The following MTCH2 variants were observed in gnomAD, a reference collection of about 807,000 sequenced individuals.
The protein encoded by MTCH2 is mitochondrial carrier homolog 2.
A neutral mutation model predicts 50.6 loss-of-function variants in MTCH2; 25 were observed. That is an observed-to-expected ratio of 0.49 (90% CI 0.36 to 0.69). The LOEUF is 0.69. MTCH2 is among the 30% of genes least tolerant of loss of function. MTCH2 has a pLI of 0.00. For synonymous variants in MTCH2, 106 were observed against 132.0 expected (o/e 0.80, Z 1.35); for missense variants, 273 against 384.4 (o/e 0.71, Z 2.42).
chr11:47,634,769 A>ATTTTTTTTTTTTT (rs139407275), intron 4 of MTCH2, 35 bp from the exon 5 acceptor site: 2 of 739,714 alleles, frequency 2.7e-6, no homozygotes, highest in Non-Finnish European at 3.9e-6. Flanking sequence ...AGAGATCTTG[A>ATTTTTTTTTTTTT]TTTTTTTTTT....
chr11:47,629,281 T>C, intron 8 of MTCH2: 1 of 476,648 alleles, frequency 2.1e-6, no homozygotes, highest in South Asian at 2.2e-5. Context: ...AGGTCGGCTA[T>C]ACCCTCAGTG....
Position 47,622,735 on chromosome 11 carries a change from G to C in MTCH2, c.791C>G (p.Ser264Cys), listed in dbSNP as rs771862696. 14 of 1,611,182 alleles carry C rather than the reference G, an allele frequency of 8.7e-6. No homozygotes were observed. The South Asian group carries it at 9.9e-5, about 11-fold the overall frequency. ...TAGCATGCACCAACAGTCTATCCAA[G>C]ACGTATATATTGGGGAGTAAGGAGG... The part of the protein sequence containing the change: ...GCPPYSPIYT[S>C]WIDCWCMLQK... Residue 264 changes from serine (S) to cysteine (C), a missense_variant, in exon 12 of 13, where the codon TCT (serine) becomes TGT (cysteine). Coordinates refer to ENST00000302503, the MANE Select transcript of MTCH2 (RefSeq NM_014342.4).
chr11:47,634,973 G>T (rs1230156853), intron 4 of MTCH2, among the ~76,000 whole-genome samples: 1 of 151,928 alleles, frequency 6.6e-6, no homozygotes. Flanking sequence ...GGGTTTCACC[G>T]TGTTAGCCAG....
chr11:47,629,252 G>A, intron 8 of MTCH2: 4 of 527,748 alleles, frequency 7.6e-6, no homozygotes, highest in Non-Finnish European at 1.0e-5. Flanking sequence ...AGTGACTTTT[G>A]TTCCTATGTT....
chr11:47,618,979 C>A, intron 12 of MTCH2, 60 bp from the exon 13 acceptor site: 1 of 1,488,036 alleles, frequency 6.7e-7, no homozygotes, highest in Non-Finnish European at 9.3e-7. Flanking sequence ...TCAGCCAATC[C>A]AAATCAGCAG....
chr11:47,628,924 G>A, intron 9 of MTCH2, 29 bp downstream of exon 9: 1 of 1,587,654 alleles, frequency 6.3e-7, no homozygotes, highest in Non-Finnish European at 8.6e-7. Flanking sequence ...AAGCCAAGGT[G>A]AGCACATCTC....
chr11:47,615,914 T>C (rs543977414), downstream of MTCH2, among the ~76,000 whole-genome samples: 16 of 152,222 alleles, frequency 1.1e-4, no homozygotes, highest in Middle Eastern at 6.8e-3. Context: ...GTTGCTTTTT[T>C]ACCCTAGTAT....
intron 5 of MTCH2, among the ~76,000 whole-genome samples, 171 bp from the exon 6 acceptor site, chr11:47,631,882 T>C (rs1045033741): frequency 6.6e-6 from 1 of 152,184 alleles, no homozygotes; most frequent in East Asian, 1.9e-4. Context: ...ATCTCATTCA[T>C]TGTCATTTTA....
chr11:47,629,421 A>G lies in MTCH2; in HGVS notation c.540-375T>C, dbSNP rs912219269. 10 of 225,316 alleles carry G rather than the reference A, an allele frequency of 4.4e-5. No individual in the cohort carries two copies. The East Asian group carries it at 1.0e-3, about 23-fold the overall frequency. The allele number at this position is 225,316 out of a possible 1,614,324, so 14.0% of individuals were successfully genotyped here. A position where few individuals can be genotyped will look rare whatever the true frequency, so the allele number is the denominator to read the frequency against. On this transcript the variant is annotated intron_variant, in intron 8 of 12. Transcript: ENST00000302503. ...GATTTTGCTAAGCTATCTGATATTC[A>G]TATTTGGCAGAGCAAAAGACGAGAA... is the stretch of plus-strand genomic sequence containing the variant.
chr11:47,637,989 G>T (rs2097310234), intron 3 of MTCH2, among the ~76,000 whole-genome samples: 1 of 152,044 alleles, frequency 6.6e-6, no homozygotes, highest in African/African-American at 2.4e-5. Context: ...TCTTGTAAAG[G>T]TTAATAATTT....
intron 11 of MTCH2, among the ~76,000 whole-genome samples, chr11:47,623,655 G>C: frequency 6.6e-6 from 1 of 152,136 alleles, no homozygotes; most frequent in East Asian, 1.9e-4. Flanking sequence ...AACAAACAAT[G>C]TAAAATGTTC....
chr11:47,627,685 G>A (rs1459982873), intron 9 of MTCH2, among the ~76,000 whole-genome samples: 1 of 148,610 alleles, frequency 6.7e-6, no homozygotes, highest in Non-Finnish European at 1.5e-5. Context: ...GGCTGGAGGT[G>A]CAGTGAGCTG....
At chr11:47,617,115 G>A (rs559938923), downstream of MTCH2, among the ~76,000 whole-genome samples, 34 of 152,298 alleles carry the variant, frequency 2.2e-4, no homozygotes, top group African/African-American at 7.9e-4. Flanking sequence ...CTCTAGCTTG[G>A]ATGCAGCAAG....
At chr11:47,616,880 C>T (rs2097288736), downstream of MTCH2, among the ~76,000 whole-genome samples, 1 of 151,684 alleles carries the variant, frequency 6.6e-6, no homozygotes, top group Admixed American at 6.6e-5. Context: ...GACAGGGTTT[C>T]TTCATGTTGG....
intron 7 of MTCH2, among the ~76,000 whole-genome samples, 158 bp downstream of exon 7, chr11:47,630,878 A>G (rs920849081): frequency 1.3e-5 from 2 of 152,118 alleles, no homozygotes; most frequent in Non-Finnish European, 2.9e-5. Flanking sequence ...GCCTGGGTAT[A>G]TTTTCTCCCA....
Position 47,618,626 on chromosome 11 carries a change from A to C in MTCH2, c.*207T>G. ...TAAGAATTTGGAGCAAAAATATCCTAATTCAGAATAACTAAAGGGGGAGTA... is the reference window on the plus strand; with the variant it reads ...TAAGAATTTGGAGCAAAAATATCCTCATTCAGAATAACTAAAGGGGGAGTA... On this transcript the variant is annotated 3_prime_UTR_variant, in exon 13 of 13. Transcript: ENST00000302503. 1.8e-6 allele frequency: 1 copy of C among 559,402 alleles called. No individual in the cohort carries two copies. Among genetic ancestry groups the C allele is most frequent in the East Asian group, 3.2e-5 (1 of 31,376 alleles). 34.7% of individuals were successfully genotyped at this position (559,402 alleles called of 1,614,324 possible). A position where few individuals can be genotyped will look rare whatever the true frequency, so the allele number is the denominator to read the frequency against.
chr11:47,642,000 G>T (rs1043623335), intron 1 of MTCH2, among the ~76,000 whole-genome samples: 4 of 152,210 alleles, frequency 2.6e-5, no homozygotes, highest in Non-Finnish European at 4.4e-5. Flanking sequence ...TGAGATTTTG[G>T]GGGGAGTAGT....
At chr11:47,607,943 A>C in the MTCH2 span, among the ~76,000 whole-genome samples, 2 of 152,180 alleles carry the variant, frequency 1.3e-5, no homozygotes, top group Non-Finnish European at 2.9e-5. Flanking sequence ...TAAGATTCAT[A>C]CTTCACTCTT....
At chr11:47,626,474 T>C (rs556880929) in intron 10 of MTCH2, among the ~76,000 whole-genome samples, 1 of 151,982 alleles carries the variant, frequency 6.6e-6, no homozygotes, top group East Asian at 1.9e-4. Context: ...ATGTCTGGCC[T>C]GAACAATATT....
Sources: gnomAD v4.1 joint callset for allele counts (sites outside exome capture counted in the v4.1 genomes callset) on GRCh38, gnomAD v4.1.1 for gene constraint, MANE v1.5 for transcripts, NCBI Gene and HGNC (gene_info 2026-07-23, HGNC 2026-07-21) for gene names.